CPED1: variants seen among roughly 807,000 people sequenced by gnomAD.
The protein encoded by CPED1 is cadherin like and PC-esterase domain containing 1.
A neutral mutation model predicts 128.2 loss-of-function variants in CPED1; 114 were observed. The observed-to-expected ratio is 0.89, with a 90% CI of 0.76 to 1.04. The LOEUF is 1.04. Ranked by LOEUF, CPED1 falls within the 50% of genes least tolerant of loss-of-function variation. The pLI is 0.00. For missense variants in CPED1, 1,211 were observed against 1,207.1 expected (o/e 1.00, Z -0.05); for synonymous variants, 462 against 426.7 (o/e 1.08, Z -1.02).
chr7:121,130,421 C>T, intron 12 of CPED1, 127 bp downstream of exon 12: 1 of 669,736 alleles, frequency 1.5e-6, no homozygotes, highest in Non-Finnish European at 2.4e-6. Context: ...TTTCCATGCT[C>T]AGGAAAATAA....
At chr7:121,052,412 C>T (rs755376609) in intron 4 of CPED1, among the ~76,000 whole-genome samples, 3 of 152,184 alleles carry the variant, frequency 2.0e-5, no homozygotes, top group Non-Finnish European at 4.4e-5. Context: ...CTTGGGCTTT[C>T]GTGGTCAACC....
At chr7:121,139,939 A>G (rs560025721) in intron 14 of CPED1, among the ~76,000 whole-genome samples, 3 of 152,148 alleles carry the variant, frequency 2.0e-5, no homozygotes, top group East Asian at 3.9e-4. Context: ...TATCTTTGTT[A>G]GCATTTTGTT....
At chr7:121,176,212 A>AC (rs1796775387) in intron 16 of CPED1, among the ~76,000 whole-genome samples, 1 of 146,318 alleles carries the variant, frequency 6.8e-6, no homozygotes, top group Non-Finnish European at 1.5e-5. Context: ...AAAAAAAAAA[A>AC]AAAACACCTC....
At chr7:121,104,788 A>C (rs889232302) in intron 7 of CPED1, among the ~76,000 whole-genome samples, 3 of 152,152 alleles carry the variant, frequency 2.0e-5, no homozygotes, top group Non-Finnish European at 2.9e-5. Context: ...TCATTAAAAA[A>C]ATTTTAACTG....
At chr7:121,019,343 G>A (rs1298650586) in intron 3 of CPED1, among the ~76,000 whole-genome samples, 1 of 151,940 alleles carries the variant, frequency 6.6e-6, no homozygotes, top group Non-Finnish European at 1.5e-5. Flanking sequence ...AGTATGTGGT[G>A]GGGATTGAAT....
chr7:121,248,412 G>A (rs1260392829), intron 18 of CPED1, among the ~76,000 whole-genome samples: 1 of 152,096 alleles, frequency 6.6e-6, no homozygotes, highest in Non-Finnish European at 1.5e-5. Flanking sequence ...CAGGACTAAT[G>A]AGAGGAGGTG....
At chr7:121,001,075 C>T (rs1791842363) in intron 2 of CPED1, among the ~76,000 whole-genome samples, 1 of 152,132 alleles carries the variant, frequency 6.6e-6, no homozygotes, top group Non-Finnish European at 1.5e-5. Flanking sequence ...TTCAATAATG[C>T]ATATGTAGCA....
At chr7:121,141,363 A>G (rs891057730) in intron 15 of CPED1, among the ~76,000 whole-genome samples, 5 of 152,072 alleles carry the variant, frequency 3.3e-5, no homozygotes, top group African/African-American at 1.2e-4. Context: ...ATTTGTGGAC[A>G]CAGTACCCCT....
chr7:121,104,621 A>G (rs960475929), intron 7 of CPED1, among the ~76,000 whole-genome samples: 3 of 152,178 alleles, frequency 2.0e-5, no homozygotes, highest in East Asian at 1.9e-4. Flanking sequence ...CAGTCAAGAC[A>G]TAAATTAATT....
intron 16 of CPED1, among the ~76,000 whole-genome samples, chr7:121,156,691 A>C (rs78409989): frequency 8.0e-6 from 1 of 125,642 alleles, no homozygotes; most frequent in Non-Finnish European, 1.7e-5. Context: ...GAAATGATAG[A>C]AGGAGGATGG....
intron 4 of CPED1, among the ~76,000 whole-genome samples, chr7:121,056,254 A>T (rs1793496579): frequency 6.6e-6 from 1 of 152,132 alleles, no homozygotes; most frequent in Non-Finnish European, 1.5e-5. Context: ...TCCTCTTTAC[A>T]TTTAACTAAA....
At chr7:121,237,244 G>A (rs769622778) in intron 17 of CPED1, among the ~76,000 whole-genome samples, 1 of 152,094 alleles carries the variant, frequency 6.6e-6, no homozygotes, top group African/African-American at 2.4e-5. Flanking sequence ...CTTCATGAGG[G>A]CAGAGAGCCT....
intron 4 of CPED1, among the ~76,000 whole-genome samples, chr7:121,062,165 A>G (rs1349772243): frequency 3.9e-5 from 6 of 152,196 alleles, no homozygotes; most frequent in Non-Finnish European, 5.9e-5. Context: ...TTAGCAATGG[A>G]TCAGAGTCAG....
chr7:121,127,957 G>A (rs1296767396), intron 10 of CPED1, among the ~76,000 whole-genome samples: 1 of 152,108 alleles, frequency 6.6e-6, no homozygotes, highest in African/African-American at 2.4e-5. Flanking sequence ...AGAAATGTTA[G>A]AACTCTTTGG....
intron 5 of CPED1, among the ~76,000 whole-genome samples, chr7:121,073,221 A>G (rs566641118): frequency 5.3e-5 from 8 of 152,334 alleles, no homozygotes; most frequent in African/African-American, 1.2e-4. Context: ...ACAATATGTT[A>G]TTAAGAAAAC....
At chr7:121,261,587 G>C in intron 18 of CPED1, 1 of 1,588,624 alleles carries the variant, frequency 6.3e-7, no homozygotes, top group Non-Finnish European at 8.6e-7. Context: ...AGCTTCCAGC[G>C]CTGGCCCATA....
intron 4 of CPED1, among the ~76,000 whole-genome samples, chr7:121,059,138 CA>C (rs1793584862): frequency 6.6e-6 from 1 of 152,140 alleles, no homozygotes; most frequent in African/African-American, 2.4e-5. Context: ...CGCAAGTAGA[CA>C]GGTGCTAGTG....
At chr7:121,273,985 A>G (rs1431954572) in intron 22 of CPED1, among the ~76,000 whole-genome samples, 3 of 152,176 alleles carry the variant, frequency 2.0e-5, no homozygotes, top group Admixed American at 1.3e-4. Context: ...GAAAGACAAC[A>G]TAGAGATTGG....
intron 16 of CPED1, among the ~76,000 whole-genome samples, chr7:121,147,048 T>C (rs577035384): frequency 4.6e-5 from 7 of 152,248 alleles, no homozygotes; most frequent in African/African-American, 1.7e-4. Flanking sequence ...CAAAACTGTC[T>C]TCAGACATTG....
Sources: gnomAD v4.1 joint callset for allele counts (sites outside exome capture counted in the v4.1 genomes callset) on GRCh38, gnomAD v4.1.1 for gene constraint, MANE v1.5 for transcripts, NCBI Gene and HGNC (gene_info 2026-07-23, HGNC 2026-07-21) for gene names.